Variants in RAD50 observed in about 807,000 individuals in gnomAD.
The protein encoded by RAD50 is RAD50 double strand break repair protein.
In RAD50, 132 loss-of-function variants were observed where a neutral mutation model predicts 168.8. The observed-to-expected ratio is 0.78, with a 90% CI of 0.68 to 0.90. The LOEUF is 0.90. Ranked by LOEUF, RAD50 falls within the 40% of genes least tolerant of loss-of-function variation. The pLI is 0.00. For synonymous variants in RAD50, 525 were observed against 497.4 expected, an observed-to-expected ratio of 1.06 and a Z score of -0.74; for missense variants, 1,347 against 1,534.4, an observed-to-expected ratio of 0.88 and a Z score of 2.04.
At chr5:132,610,027 GTA>G (rs10598599) in intron 19 of RAD50, among the ~76,000 whole-genome samples, 46,019 of 148,318 alleles carry the variant, frequency 0.31, 8,734 homozygotes, top group African/African-American at 0.55. Flanking sequence ...AGGTGTGTGT[GTA>G]TATATATATA....
intron 3 of RAD50, among the ~76,000 whole-genome samples, chr5:132,577,047 C>T (rs1750412277): frequency 1.3e-5 from 2 of 152,240 alleles, no homozygotes; most frequent in South Asian, 2.1e-4. Flanking sequence ...TATTATCTTA[C>T]ACTTATGTAG....
chr5:132,624,023 A>C (rs1045442042), intron 21 of RAD50, among the ~76,000 whole-genome samples: 1 of 152,274 alleles, frequency 6.6e-6, no homozygotes, highest in African/African-American at 2.4e-5. Flanking sequence ...GAGCCAATTA[A>C]CATGTTATTT....
At position 132,592,009 on chromosome 5, in the gene RAD50, A is replaced by G; in HGVS notation, c.1768A>G (p.Thr590Ala). ...LHSKSKEINQ[T>A]RDRLAKLNKE... ...TAGTAAATCAAAAGAAATTAATCAGACCAGGGACAGACTTGCCAAATTGAA... is the reference window on the plus strand; with the variant it reads ...TAGTAAATCAAAAGAAATTAATCAGGCCAGGGACAGACTTGCCAAATTGAA... The change falls in exon 11 of 25, where the codon ACC (threonine) becomes GCC (alanine). Residue 590 changes from threonine (T) to alanine (A), a missense_variant. Thr to Ala is a moderately conservative substitution (Grantham distance 58). This residue lies in a region of RAD50 where 703 missense variants were observed against 767.7 expected (regional missense o/e 0.92). Transcript: ENST00000378823. The G allele has an allele frequency of 6.2e-7, 1 of 1,613,186 alleles. No homozygotes were observed. Among genetic ancestry groups the G allele is most frequent in the Non-Finnish European group, 8.5e-7 (1 of 1,179,366 alleles).
chr5:132,582,989 A>G (rs1750530928), intron 5 of RAD50, among the ~76,000 whole-genome samples: 2 of 152,226 alleles, frequency 1.3e-5, no homozygotes, highest in South Asian at 4.1e-4. Flanking sequence ...AGCCCAGATG[A>G]TTATCATAAT....
chr5:132,640,026 A>G (rs1257474946), intron 23 of RAD50, among the ~76,000 whole-genome samples: 1 of 152,220 alleles, frequency 6.6e-6, no homozygotes, highest in East Asian at 1.9e-4. Context: ...TTGTATCCTC[A>G]GATGGTTTCA....
At chr5:132,637,343 G>T in intron 22 of RAD50, 143 bp downstream of exon 22, 1 of 1,445,590 alleles carries the variant, frequency 6.9e-7, no homozygotes, top group Non-Finnish European at 9.3e-7. Context: ...TTCTTATCTT[G>T]GCAACATCTT....
At chr5:132,620,089 T>C (rs1351174826) in intron 21 of RAD50, among the ~76,000 whole-genome samples, 3 of 151,658 alleles carry the variant, frequency 2.0e-5, no homozygotes, top group African/African-American at 7.3e-5. Flanking sequence ...GCATTTTTAG[T>C]AGAGATGGGG....
At chr5:132,571,754 C>T (rs975146138) in intron 2 of RAD50, among the ~76,000 whole-genome samples, 2 of 151,992 alleles carry the variant, frequency 1.3e-5, no homozygotes, top group African/African-American at 2.4e-5. Flanking sequence ...TAATACCCTC[C>T]GTAATGAGAT....
chr5:132,615,366 A>G (rs1751157398), intron 19 of RAD50, among the ~76,000 whole-genome samples: 1 of 152,210 alleles, frequency 6.6e-6, no homozygotes, highest in African/African-American at 2.4e-5. Flanking sequence ...AAGTTCATAG[A>G]TATATGCTAC....
At chr5:132,579,113 CTTTG>C (rs1750454431) in intron 3 of RAD50, among the ~76,000 whole-genome samples, 200 bp from the exon 4 acceptor site, 1 of 152,048 alleles carries the variant, frequency 6.6e-6, no homozygotes. Context: ...TCCTGAACTA[CTTTG>C]TTTTACATAT....
intron 7 of RAD50, 89 bp from the exon 8 acceptor site, chr5:132,588,598 C>A (rs2149840902): frequency 7.7e-7 from 1 of 1,300,918 alleles, no homozygotes; most frequent in Non-Finnish European, 1.1e-6. Flanking sequence ...AGACACACTG[C>A]ATTATTTTTT....
Position 132,638,415 on chromosome 5 carries a change from T to C in RAD50, c.3618+192T>C, listed in dbSNP as rs560049058. On this transcript the variant is annotated intron_variant, in intron 23 of 24. Transcript: ENST00000378823. The stretch of plus-strand genomic sequence containing the variant: ...CTAACCAACATTTCCTGCAACATTA[T>C]GTAGACTTTTAAAAGAAGGGCCTGA... 846 of 700,918 alleles carry C rather than the reference T, an allele frequency of 1.2e-3. 1 individual carries two copies. Among genetic ancestry groups the C allele is most frequent in the Middle Eastern group, 2.0e-3 (5 of 2,554 alleles). 43.4% of individuals were successfully genotyped at this position (700,918 alleles called of 1,614,324 possible).
chr5:132,579,286 T>C, intron 3 of RAD50, 31 bp from the exon 4 acceptor site: 1 of 1,597,002 alleles, frequency 6.3e-7, no homozygotes, highest in Non-Finnish European at 8.6e-7. Context: ...AAGGTTATTT[T>C]ACATATATTC....
intron 21 of RAD50, among the ~76,000 whole-genome samples, chr5:132,623,947 C>G (rs1751327383): frequency 6.6e-6 from 1 of 152,174 alleles, no homozygotes; most frequent in Non-Finnish European, 1.5e-5. Flanking sequence ...TTGGCATATA[C>G]AAGTTTTAGG....
chr5:132,603,497 T>C lies in RAD50; in HGVS notation c.2397+8T>C, dbSNP rs1554099116. 6.2e-7 allele frequency: 1 copy of C among 1,612,394 alleles called. No individual in the cohort carries two copies. The highest frequency in any genetic ancestry group is 8.5e-7 in the Non-Finnish European group (1 of 1,178,540). ...ATTATGGAGAGGTTCCAGGTAAGTT[T>C]ATTGTAGTTTAAGGCAGAATAAAAC... is the stretch of plus-strand genomic sequence containing the variant. On this transcript the variant is annotated splice_region_variant and intron_variant, in intron 14 of 24. Coordinates refer to ENST00000378823, the MANE Select transcript of RAD50 (RefSeq NM_005732.4).
intron 13 of RAD50, among the ~76,000 whole-genome samples, chr5:132,600,998 T>TA (rs1561644094): frequency 6.6e-6 from 1 of 151,918 alleles, no homozygotes; most frequent in Non-Finnish European, 1.5e-5. Context: ...CTCTTGAAAA[T>TA]AAAAAATAAA....
chr5:132,590,060 T>A (rs1750671517), intron 9 of RAD50, among the ~76,000 whole-genome samples: 1 of 152,200 alleles, frequency 6.6e-6, no homozygotes, highest in African/African-American at 2.4e-5. Context: ...TTAAAGATAC[T>A]GTACTCAGAC....
chr5:132,634,426 C>G (rs1751534902), intron 21 of RAD50, among the ~76,000 whole-genome samples: 1 of 151,860 alleles, frequency 6.6e-6, no homozygotes, highest in African/African-American at 2.4e-5. Context: ...CTGGCTATCT[C>G]ATTAGTCTGA....
At chr5:132,609,238 G>T in intron 18 of RAD50, 29 bp downstream of exon 18, 2 of 1,606,132 alleles carry the variant, frequency 1.2e-6, no homozygotes, top group South Asian at 2.2e-5. Flanking sequence ...TTATTTATTT[G>T]ATTGTATTTT....
Sources: gnomAD v4.1 joint callset for allele counts (sites outside exome capture counted in the v4.1 genomes callset) on GRCh38, gnomAD v4.1.1 for gene constraint, gnomAD v4.1.1 regional missense constraint, MANE v1.5 for transcripts, NCBI Gene and HGNC (gene_info 2026-07-23, HGNC 2026-07-21) for gene names.